Variants in PRDM2 observed in about 807,000 individuals in gnomAD.
The protein encoded by PRDM2 is PR/SET domain 2.
Under a neutral mutation model 130.0 loss-of-function variants are expected in PRDM2, and 30 were observed. That is an observed-to-expected ratio of 0.23 (90% CI 0.17 to 0.31). PRDM2 has a LOEUF of 0.31. Ranked by LOEUF, PRDM2 falls within the 10% of genes least tolerant of loss-of-function variation. The pLI is 1.00. For synonymous variants in PRDM2, 871 were observed against 782.4 expected (o/e 1.11, Z -1.89); for missense variants, 2,011 against 2,108.4 (o/e 0.95, Z 0.90).
chr1:13,816,475 C>T lies in PRDM2; in HGVS notation c.5085C>T (p.Tyr1695=), dbSNP rs1387758060. ...ASRCSPPAAP[Y]ITRQYRKVKA... ...GATGCTCTCCACCAGCGGCCCCGTA[C>T]ATCACCAGGCAGTATAGGAAGGTCA... The change falls in exon 9 of 10, where the codon TAC becomes TAT. Residue 1695 remains tyrosine (Y), a synonymous_variant. Transcript: ENST00000311066. 2 of 1,614,156 alleles carry T rather than the reference C, an allele frequency of 1.2e-6. No homozygotes were observed. Among genetic ancestry groups the T allele is most frequent in the Non-Finnish European group, 1.7e-6 (2 of 1,179,998 alleles).
chr1:13,790,471 G>T (rs1449119321), intron 8 of PRDM2, among the ~76,000 whole-genome samples: 1 of 152,158 alleles, frequency 6.6e-6, no homozygotes, highest in Admixed American at 6.5e-5. Flanking sequence ...CGGGCCTAAT[G>T]TGTAGTTTCT....
intron 1 of PRDM2, among the ~76,000 whole-genome samples, chr1:13,706,865 G>A (rs1642226053): frequency 6.6e-6 from 1 of 151,734 alleles, no homozygotes; most frequent in African/African-American, 2.4e-5. Context: ...GCAAACAGTA[G>A]GCATTGCCAT....
At chr1:13,811,698 G>T (rs1404235312) in intron 8 of PRDM2, among the ~76,000 whole-genome samples, 1 of 152,224 alleles carries the variant, frequency 6.6e-6, no homozygotes, top group East Asian at 1.9e-4. Context: ...TAAGCAACTC[G>T]ACAGGCAAGG....
chr1:13,821,126 C>G (rs1473566913), intron 9 of PRDM2, among the ~76,000 whole-genome samples: 1 of 152,034 alleles, frequency 6.6e-6, no homozygotes, highest in Non-Finnish European at 1.5e-5. Flanking sequence ...GGCTACTTCA[C>G]GCCTCTGTGT....
Position 13,810,534 on chromosome 1 carries a change from A to C in PRDM2, c.5037-5893A>C, listed in dbSNP as rs142937049. On this transcript the variant is annotated intron_variant, in intron 8 of 9. Coordinates refer to ENST00000311066, the MANE Select transcript of PRDM2 (RefSeq NM_001393986.1). ...TTTTGAGATGGAGTCTCACTCTGTC[A>C]CCCAGGCTGGAGTGCAGTGGCACGA... Among the ~76,000 whole-genome samples, 1,368 of 150,404 alleles carry C rather than the reference A, an allele frequency of 9.1e-3. 21 individuals carry two copies. The highest frequency in any genetic ancestry group is 0.032 in the African/African-American group (1,308 of 40,812).
intron 9 of PRDM2, among the ~76,000 whole-genome samples, chr1:13,822,002 T>C (rs1056109188): frequency 1.3e-5 from 2 of 152,204 alleles, no homozygotes; most frequent in African/African-American, 2.4e-5. Flanking sequence ...TCATATAGAA[T>C]GGGGATCTGT....
At position 13,762,547 on chromosome 1, in the gene PRDM2, T is replaced by G. The variant is rs142212225; in HGVS notation, c.512-10531T>G. On this transcript the variant is annotated intron_variant, in intron 6 of 9. Transcript: ENST00000311066. ...TGGACGCTGGCCTAGGAAGGACTCCTGTTTCAAGCCCTAGTCCTCTGTGAG... is the reference window on the plus strand; with the variant it reads ...TGGACGCTGGCCTAGGAAGGACTCCGGTTTCAAGCCCTAGTCCTCTGTGAG... Among the ~76,000 whole-genome samples the G allele has an allele frequency of 5.4e-4, 83 of 152,316 alleles. 1 individual carries two copies. The highest frequency in any genetic ancestry group is 1.9e-3 in the African/African-American group (78 of 41,574).
chr1:13,778,748 A>G lies in PRDM2; in HGVS notation c.953A>G (p.Asp318Gly), dbSNP rs776076087. The change falls in exon 8 of 10, where the codon GAT (aspartate) becomes GGT (glycine). Residue 318 changes from aspartate to glycine, a missense_variant. Physicochemically the swap from Asp to Gly is moderately conservative, Grantham distance 94 (BLOSUM62 -1). Transcript: ENST00000311066. ...ATACGGTGTGATGAGAAGCCAGAAG[A>G]TTTATTAGAGGAACCAAAAACAACT... The part of the protein sequence containing the change: ...PEIRCDEKPE[D>G]LLEEPKTTSE... 49 of 1,614,204 alleles carry G rather than the reference A, an allele frequency of 3.0e-5. No homozygotes were observed. The highest frequency in any genetic ancestry group is 4.0e-5 in the Non-Finnish European group (47 of 1,180,042).
intron 6 of PRDM2, among the ~76,000 whole-genome samples, chr1:13,770,635 T>C (rs989861738): frequency 1.3e-5 from 2 of 152,142 alleles, no homozygotes; most frequent in African/African-American, 4.8e-5. Context: ...GAGTGAAGGT[T>C]TAGATTACAC....
chr1:13,799,003 T>G (rs1644965452), intron 8 of PRDM2, among the ~76,000 whole-genome samples: 1 of 152,204 alleles, frequency 6.6e-6, no homozygotes, highest in African/African-American at 2.4e-5. Flanking sequence ...TTCACCGTGG[T>G]GAGTCAGAGC....
At chr1:13,766,922 G>A (rs1019680437) in intron 6 of PRDM2, among the ~76,000 whole-genome samples, 1 of 152,182 alleles carries the variant, frequency 6.6e-6, no homozygotes, top group Admixed American at 6.5e-5. Flanking sequence ...AACATTTTAA[G>A]GTGAAACATT....
Position 13,732,849 on chromosome 1 carries a change from A to G in PRDM2, c.198A>G (p.Arg66=). 6.2e-7 allele frequency: 1 copy of G among 1,607,312 alleles called. No homozygotes were observed. Among genetic ancestry groups the G allele is most frequent in the Non-Finnish European group, 8.5e-7 (1 of 1,176,418 alleles). The change falls in exon 4 of 10, where the codon AGA becomes AGG. Residue 66 remains arginine (R), a synonymous_variant. Coordinates refer to ENST00000311066, the MANE Select transcript of PRDM2 (RefSeq NM_001393986.1). ...CATTTGTTGGTGATAAGAAAAAAAG[A>G]TCTCAGGTTAAGAATAATGTATACA... is the stretch of plus-strand genomic sequence containing the variant. ...FGPFVGDKKK[R]SQVKNNVYMW... is the part of the protein sequence containing the mutation.
At position 13,782,717 on chromosome 1, in the gene PRDM2, C is replaced by T; in HGVS notation, c.4922C>T (p.Ser1641Phe). The change falls in exon 8 of 10, where the codon TCT becomes TTT. Residue 1641 changes from serine to phenylalanine, a missense_variant. This residue lies in a region of PRDM2 where 410 missense variants were observed against 395.9 expected (regional missense o/e 1.04). Coordinates refer to ENST00000311066, the MANE Select transcript of PRDM2 (RefSeq NM_001393986.1). ...KKRTDRFNIK[S>F]RERSGGPVTR... ...AGAACAGACCGGTTCAATATAAAATCTAGAGAGCGGAGTGGGGGGCCAGTC... is the reference window on the plus strand; with the variant it reads ...AGAACAGACCGGTTCAATATAAAATTTAGAGAGCGGAGTGGGGGGCCAGTC... 1 of 1,613,938 alleles carries T rather than the reference C, an allele frequency of 6.2e-7. No homozygotes were observed.
intron 2 of PRDM2, among the ~76,000 whole-genome samples, chr1:13,718,694 G>A (rs575062533): frequency 1.3e-5 from 2 of 152,012 alleles, no homozygotes; most frequent in African/African-American, 4.8e-5. Context: ...CGATCCTTCC[G>A]CTTGAGCCCA....
chr1:13,788,476 T>C (rs979932), intron 8 of PRDM2, among the ~76,000 whole-genome samples: 54,256 of 152,142 alleles, frequency 0.36, 10,204 homozygotes, highest in Admixed American at 0.5. Flanking sequence ...GTGAAATTGC[T>C]GGGGTTTTTT....
chr1:13,715,308 G>A (rs114857650), intron 1 of PRDM2, among the ~76,000 whole-genome samples: 2,746 of 152,308 alleles, frequency 0.018, 64 homozygotes, highest in South Asian at 0.12. Context: ...CTCCTAATGA[G>A]TCCGCTTTCA....
intron 5 of PRDM2, among the ~76,000 whole-genome samples, chr1:13,746,649 C>T (rs1398829135): frequency 2.0e-5 from 3 of 152,014 alleles, no homozygotes; most frequent in Non-Finnish European, 1.5e-5. Flanking sequence ...CTCCACCTCC[C>T]AAGCTCCAGT....
At chr1:13,705,517 C>T (rs1190668310) in intron 1 of PRDM2, 1 of 152,176 alleles carries the variant, frequency 6.6e-6, no homozygotes, top group East Asian at 1.9e-4. Flanking sequence ...GCACCGTCTA[C>T]CCTTCTCTGT....
In PRDM2 at chr1:13,730,866, G is replaced by A. The variant is rs980741985; in HGVS notation, c.10-134G>A. 4.4e-5 allele frequency: 27 copies of A among 609,978 alleles called. 1 individual carries two copies. Among genetic ancestry groups the A allele is most frequent in the South Asian group, 2.0e-4 (9 of 45,532 alleles). The allele number at this position is 609,978 out of a possible 1,614,324, so 37.8% of individuals were successfully genotyped here. A position where few individuals can be genotyped will look rare whatever the true frequency, so the allele number is the denominator to read the frequency against. ...AGCTCCTCAAATGCTTGACATCATC[G>A]TTTTGGTCTGTCTTGCCAGCTTCAG... On this transcript the variant is annotated intron_variant, in intron 2 of 9. Coordinates refer to ENST00000311066, the MANE Select transcript of PRDM2 (RefSeq NM_001393986.1).
Sources: allele counts gnomAD v4.1 joint callset (sites outside exome capture counted in the v4.1 genomes callset), GRCh38; gene constraint gnomAD v4.1.1; regional missense constraint gnomAD v4.1.1; transcripts MANE v1.5; gene names NCBI Gene and HGNC (gene_info 2026-07-23, HGNC 2026-07-21).